The following ZMIZ1 variants were observed in gnomAD, a reference collection of about 807,000 sequenced individuals.
The protein encoded by ZMIZ1 is zinc finger MIZ-type containing 1.
A neutral mutation model predicts 113.9 loss-of-function variants in ZMIZ1; 17 were observed. The observed-to-expected ratio is 0.15, with a 90% CI of 0.10 to 0.22. The LOEUF is 0.22. ZMIZ1 is among the 10% of genes least tolerant of loss of function. The pLI, the probability that ZMIZ1 is intolerant of heterozygous loss-of-function variation, is 1.00. For synonymous variants in ZMIZ1, 607 were observed against 603.1 expected, an observed-to-expected ratio of 1.01 and a Z score of -0.09; for missense variants, 1,059 against 1,477.8, an observed-to-expected ratio of 0.72 and a Z score of 4.65.
chr10:79,189,561 T>C (rs1196861824), intron 4 of ZMIZ1, among the ~76,000 whole-genome samples: 1 of 152,212 alleles, frequency 6.6e-6, no homozygotes, highest in Non-Finnish European at 1.5e-5. Context: ...AGGCTAGCAT[T>C]GTGCCCCAGG....
rs1400893267 is a variant in ZMIZ1, at chr10:79,165,970, G to GTC, written c.-50+3838_-50+3839insCT. 2.0e-5 allele frequency among the ~76,000 whole-genome samples: 3 copies of GTC among 148,190 alleles called. 1 individual carries two copies. The highest frequency in any genetic ancestry group is 4.5e-5 in the Non-Finnish European group (3 of 67,408). ...CAGCTGTGTGTGTGTGTGTGTGTGT[G>GTC]TGTGTGTGTGTGTGTGTGTGTGTGT... On this transcript the variant is annotated intron_variant, in intron 4 of 24. Transcript: ENST00000334512.
chr10:79,263,871 ACTT>A (rs1338989447), intron 7 of ZMIZ1, among the ~76,000 whole-genome samples: 6 of 151,846 alleles, frequency 4.0e-5, no homozygotes, highest in East Asian at 1.9e-4. Flanking sequence ...CACTCCAACC[ACTT>A]CTTCTTATGC....
chr10:79,272,657 T>C (rs576446214), intron 7 of ZMIZ1, among the ~76,000 whole-genome samples: 28 of 152,328 alleles, frequency 1.8e-4, no homozygotes, highest in African/African-American at 5.5e-4. Flanking sequence ...TGAATGAACG[T>C]TGGGTGAGTG....
chr10:79,265,468 C>CTT (rs35682814), intron 7 of ZMIZ1, among the ~76,000 whole-genome samples: 20 of 91,656 alleles, frequency 2.2e-4, no homozygotes, highest in South Asian at 5.7e-4. Context: ...TTTTTCTTTT[C>CTT]TTTTTTTTTT....
intron 19 of ZMIZ1, among the ~76,000 whole-genome samples, chr10:79,304,673 G>A (rs1465725847): frequency 2.0e-5 from 3 of 152,222 alleles, no homozygotes; most frequent in African/African-American, 7.2e-5. Context: ...GGGGCCCAGG[G>A]CTGTCACCTG....
At chr10:79,270,201 C>T (rs551254453) in intron 7 of ZMIZ1, among the ~76,000 whole-genome samples, 1 of 152,346 alleles carries the variant, frequency 6.6e-6, no homozygotes, top group East Asian at 1.9e-4. Flanking sequence ...TTTTTTCCCC[C>T]TAACGGACAG....
At chr10:79,175,999 GC>G (rs1470950080) in intron 4 of ZMIZ1, among the ~76,000 whole-genome samples, 1 of 152,052 alleles carries the variant, frequency 6.6e-6, no homozygotes, top group Non-Finnish European at 1.5e-5. Context: ...CTGAAAATGT[GC>G]CCTTTGTCTA....
chr10:79,155,003 G>A (rs956599661), intron 3 of ZMIZ1, among the ~76,000 whole-genome samples: 2 of 152,184 alleles, frequency 1.3e-5, no homozygotes, highest in African/African-American at 4.8e-5. Flanking sequence ...AACTCTGTGA[G>A]AGTAGTGACT....
chr10:79,152,014 T>G (rs1276075762), intron 3 of ZMIZ1, among the ~76,000 whole-genome samples: 1 of 152,214 alleles, frequency 6.6e-6, no homozygotes, highest in Non-Finnish European at 1.5e-5. Context: ...CTGCTCTGTT[T>G]ATAAGAGTTC....
chr10:79,168,566 G>T lies in ZMIZ1; in HGVS notation c.-50+6433G>T, dbSNP rs1373232568. ...CAGGCACCCAGCTTGTGCACCCTCAGCTTCCTCTGGGCATAGCAACAAGGT... is the reference window on the plus strand; with the variant it reads ...CAGGCACCCAGCTTGTGCACCCTCATCTTCCTCTGGGCATAGCAACAAGGT... On this transcript the variant is annotated intron_variant, in intron 4 of 24. Coordinates refer to ENST00000334512, the MANE Select transcript of ZMIZ1 (RefSeq NM_020338.4). 2.0e-5 allele frequency among the ~76,000 whole-genome samples: 3 copies of T among 152,294 alleles called. No individual in the cohort carries two copies. In the East Asian group the frequency reaches 5.8e-4, roughly 29 times the overall value.
intron 7 of ZMIZ1, among the ~76,000 whole-genome samples, chr10:79,233,587 G>A (rs1849478221): frequency 6.6e-6 from 1 of 152,216 alleles, no homozygotes; most frequent in African/African-American, 2.4e-5. Flanking sequence ...CGTTAACTTA[G>A]AGAGGCACAA....
intron 24 of ZMIZ1, 103 bp downstream of exon 24, chr10:79,311,287 AGGTGGGTGGGC>A: frequency 7.6e-6 from 1 of 131,576 alleles, no homozygotes; most frequent in Non-Finnish European, 1.4e-5. Context: ...CGAAGGGAGG[AGGTGGGTGGGC>A]GGTGGGAGGG....
chr10:79,261,683 C>G (rs118175632), intron 7 of ZMIZ1, among the ~76,000 whole-genome samples: 1 of 152,194 alleles, frequency 6.6e-6, no homozygotes, highest in East Asian at 1.9e-4. Flanking sequence ...TGAGAGATGC[C>G]GGGCAGGGGA....
At chr10:79,278,313 C>G (rs1852435977) in intron 8 of ZMIZ1, among the ~76,000 whole-genome samples, 1 of 152,170 alleles carries the variant, frequency 6.6e-6, no homozygotes, top group Admixed American at 6.5e-5. Context: ...CTCCTCAGAT[C>G]CTGGGTCTGG....
At chr10:79,128,833 A>AAAG (rs34448707) in intron 2 of ZMIZ1, among the ~76,000 whole-genome samples, 41,371 of 151,942 alleles carry the variant, frequency 0.27, 7,110 homozygotes, top group African/African-American at 0.45. Flanking sequence ...TCCAGTGGAA[A>AAAG]AAGTAGTTTT....
chr10:79,110,359 G>C (rs1310965501), intron 1 of ZMIZ1, among the ~76,000 whole-genome samples: 1 of 152,202 alleles, frequency 6.6e-6, no homozygotes, highest in African/African-American at 2.4e-5. Flanking sequence ...CGGTCTGGAA[G>C]GACAGGTGAA....
chr10:79,147,479 C>A lies in ZMIZ1; in HGVS notation c.-131+7702C>A, dbSNP rs555224642. Among the ~76,000 whole-genome samples, 4 of 152,292 alleles carry A rather than the reference C, an allele frequency of 2.6e-5. No homozygotes were observed. In the East Asian group the frequency reaches 7.7e-4, roughly 29 times the overall value. ...TGGCAGGAGTGTGGAAGCCAGGCCT[C>A]CCGTGTGCATCCATCAGGCCACTGA... is the stretch of plus-strand genomic sequence containing the variant. On this transcript the variant is annotated intron_variant, in intron 3 of 24. Coordinates refer to ENST00000334512, the MANE Select transcript of ZMIZ1 (RefSeq NM_020338.4).
At chr10:79,140,391 C>T (rs557330409) in intron 3 of ZMIZ1, among the ~76,000 whole-genome samples, 2 of 152,332 alleles carry the variant, frequency 1.3e-5, no homozygotes, top group South Asian at 4.1e-4. Flanking sequence ...ACACAGCTAG[C>T]TCTGGCCACG....
chr10:79,229,282 G>T (rs1459891791), intron 7 of ZMIZ1, among the ~76,000 whole-genome samples: 2 of 152,264 alleles, frequency 1.3e-5, no homozygotes, highest in African/African-American at 4.8e-5. Flanking sequence ...GCAGATGGCT[G>T]GAGGGAAGCA....
Sources: gnomAD v4.1 joint callset for allele counts (sites outside exome capture counted in the v4.1 genomes callset) on GRCh38, gnomAD v4.1.1 for gene constraint, MANE v1.5 for transcripts, NCBI Gene and HGNC (gene_info 2026-07-23, HGNC 2026-07-21) for gene names.